ASCC3: variants seen among roughly 807,000 people sequenced by gnomAD.
The protein encoded by ASCC3 is ASC-1 complex subunit P200.
ASCC3 carries 158 observed loss-of-function variants against 256.3 expected under a neutral mutation model. The ratio of observed to expected loss-of-function variants is 0.62; its 90% CI spans 0.54 to 0.70. ASCC3 has a LOEUF of 0.70. Among genes scored for constraint, ASCC3 ranks in the 30% least tolerant of loss-of-function variants. The probability of loss-of-function intolerance (pLI) is 0.00; values close to 1 mark genes in which losing one functional copy is unlikely to be tolerated. For missense variants in ASCC3, 2,259 were observed against 2,626.0 expected, an observed-to-expected ratio of 0.86 and a Z score of 3.05; for synonymous variants, 948 against 883.4, an observed-to-expected ratio of 1.07 and a Z score of -1.30.
At chr6:100,854,237 G>GTA (rs1221888778) in intron 3 of ASCC3, among the ~76,000 whole-genome samples, 1 of 151,580 alleles carries the variant, frequency 6.6e-6, no homozygotes, top group African/African-American at 2.4e-5. Flanking sequence ...CATAACAGAG[G>GTA]TAGGCATTTT....
intron 36 of ASCC3, among the ~76,000 whole-genome samples, chr6:100,559,390 C>T (rs985101953): frequency 4.6e-5 from 7 of 152,028 alleles, no homozygotes; most frequent in Non-Finnish European, 8.8e-5. Context: ...AAAAAACCCA[C>T]AAAAGAAAAA....
intron 14 of ASCC3, among the ~76,000 whole-genome samples, chr6:100,671,070 T>TA (rs1776721418): frequency 6.6e-6 from 1 of 151,988 alleles, no homozygotes; most frequent in South Asian, 2.1e-4. Flanking sequence ...CAAAAAGGTG[T>TA]ATATAACATG....
chr6:100,859,491 A>G (rs563516901), intron 3 of ASCC3, among the ~76,000 whole-genome samples: 3 of 152,196 alleles, frequency 2.0e-5, no homozygotes, highest in Non-Finnish European at 2.9e-5. Flanking sequence ...AATTCTAAAT[A>G]TCTACCATTA....
In ASCC3 at chr6:100,601,804, A is replaced by G. The variant is rs776889165; in HGVS notation, c.5303+6T>C. The G allele has an allele frequency of 1.8e-5, 29 of 1,611,962 alleles. No homozygotes were observed. Among genetic ancestry groups the G allele is most frequent in the Non-Finnish European group, 2.5e-5 (29 of 1,178,492 alleles). On this transcript the variant is annotated splice_donor_region_variant and intron_variant, in intron 34 of 41. Coordinates refer to ENST00000369162, the MANE Select transcript of ASCC3 (RefSeq NM_006828.4). ...CAGAAAGGTATATAACTGCCCTTGC[A>G]CTTACCTGGGATTCATGATAAGACG...
At chr6:100,669,677 T>G (rs1323357830) in intron 14 of ASCC3, among the ~76,000 whole-genome samples, 1 of 151,652 alleles carries the variant, frequency 6.6e-6, no homozygotes, top group Admixed American at 6.6e-5. Flanking sequence ...AATCAGTTAT[T>G]GAGAATTCTA....
chr6:100,849,150 G>A (rs564700470), intron 3 of ASCC3, among the ~76,000 whole-genome samples: 197 of 152,098 alleles, frequency 1.3e-3, no homozygotes, highest in African/African-American at 4.7e-3. Flanking sequence ...CCAATTTAAG[G>A]AGCAGGAACC....
chr6:100,641,238 T>A lies in ASCC3; in HGVS notation c.3901+1343A>T, dbSNP rs570188277. Among the ~76,000 whole-genome samples the A allele has an allele frequency of 2.0e-5, 3 of 152,304 alleles. No homozygotes were observed. In the East Asian group the frequency reaches 5.8e-4, roughly 29 times the overall value. ...ATTTAAAATGGATTTTTGCAAGGTA[T>A]GACAGTGAAAAACACTATTGTATGA... On this transcript the variant is annotated intron_variant, in intron 24 of 41. Transcript: ENST00000369162.
intron 29 of ASCC3, among the ~76,000 whole-genome samples, chr6:100,625,830 T>C (rs1217600466): frequency 6.6e-6 from 1 of 152,066 alleles, no homozygotes; most frequent in Non-Finnish European, 1.5e-5. Flanking sequence ...TTGTTATCAG[T>C]GATAGAAAAA....
In ASCC3 at chr6:100,512,638, A is replaced by G. The variant is rs1773824045; in HGVS notation, c.6285+71T>C. On this transcript the variant is annotated intron_variant, in intron 40 of 41. Coordinates refer to ENST00000369162, the MANE Select transcript of ASCC3 (RefSeq NM_006828.4). Reference sequence around the variant, plus strand: ...AATGACACGGGCACATTAGTCACATAACAGATATGTGTGGTGGTGCATGCT... The same window carrying G: ...AATGACACGGGCACATTAGTCACATGACAGATATGTGTGGTGGTGCATGCT... 4 of 1,453,578 alleles carry G rather than the reference A, an allele frequency of 2.8e-6. No individual in the cohort carries two copies. The South Asian group carries it at 3.4e-5, about 12-fold the overall frequency. 90.0% of individuals were successfully genotyped at this position (1,453,578 alleles called of 1,614,324 possible).
Position 100,577,734 on chromosome 6 carries a change from C to A in ASCC3, c.5550+11900G>T, listed in dbSNP as rs371282036. 2.7e-3 allele frequency among the ~76,000 whole-genome samples: 409 copies of A among 150,704 alleles called. 2 individuals are homozygous for A. Among genetic ancestry groups the A allele is most frequent in the African/African-American group, 9.4e-3 (381 of 40,608 alleles). The stretch of plus-strand genomic sequence containing the variant: ...TATCTGTGTGTGAACACACACACAC[C>A]CACCCACCCACACACACACACACAC... On this transcript the variant is annotated intron_variant, in intron 36 of 41. Coordinates refer to ENST00000369162, the MANE Select transcript of ASCC3 (RefSeq NM_006828.4).
intron 29 of ASCC3, among the ~76,000 whole-genome samples, chr6:100,627,284 A>T (rs1423853079): frequency 6.6e-6 from 1 of 152,102 alleles, no homozygotes; most frequent in East Asian, 1.9e-4. Context: ...TGTAGCTTCC[A>T]TTTCTCATCT....
At chr6:100,799,294 T>C in intron 7 of ASCC3, 137 bp downstream of exon 7, 1 of 938,032 alleles carries the variant, frequency 1.1e-6, no homozygotes, top group Non-Finnish European at 1.6e-6. Flanking sequence ...CCACATTATG[T>C]CATTTTCCCC....
At chr6:100,596,468 T>C (rs1214597479) in intron 34 of ASCC3, among the ~76,000 whole-genome samples, 1 of 152,214 alleles carries the variant, frequency 6.6e-6, no homozygotes, top group East Asian at 1.9e-4. Flanking sequence ...GCTTTACATA[T>C]CTGATGTTAT....
chr6:100,632,562 C>T (rs1409392853), intron 25 of ASCC3, among the ~76,000 whole-genome samples: 1 of 151,978 alleles, frequency 6.6e-6, no homozygotes, highest in Non-Finnish European at 1.5e-5. Flanking sequence ...TTCCTGGTTT[C>T]AAATTATATT....
chr6:100,564,434 A>C (rs1340493169), intron 36 of ASCC3, among the ~76,000 whole-genome samples: 1 of 152,100 alleles, frequency 6.6e-6, no homozygotes, highest in African/African-American at 2.4e-5. Context: ...GCTCTCACAC[A>C]TGACTGCAAA....
chr6:100,760,926 G>A (rs972010073), intron 10 of ASCC3, among the ~76,000 whole-genome samples: 1 of 152,118 alleles, frequency 6.6e-6, no homozygotes, highest in African/African-American at 2.4e-5. Context: ...AGAAATAAAG[G>A]CTGGAAACTT....
intron 16 of ASCC3, among the ~76,000 whole-genome samples, chr6:100,656,263 C>T (rs1024079302): frequency 3.3e-5 from 5 of 151,640 alleles, no homozygotes; most frequent in African/African-American, 1.2e-4. Flanking sequence ...ATTCTGTATA[C>T]TGTCATCACC....
intron 10 of ASCC3, among the ~76,000 whole-genome samples, chr6:100,746,826 C>T (rs1780701411): frequency 6.6e-6 from 1 of 151,924 alleles, no homozygotes; most frequent in African/African-American, 2.4e-5. Flanking sequence ...ATGGTATTAG[C>T]ATAAAGATAA....
intron 5 of ASCC3, among the ~76,000 whole-genome samples, chr6:100,802,070 T>C (rs906152548): frequency 2.0e-5 from 3 of 151,240 alleles, no homozygotes; most frequent in Non-Finnish European, 4.4e-5. Context: ...GAAGAAAATA[T>C]GTCTACCTCA....
Sources: gnomAD v4.1 joint callset for allele counts (sites outside exome capture counted in the v4.1 genomes callset) on GRCh38, gnomAD v4.1.1 for gene constraint, MANE v1.5 for transcripts, NCBI Gene and HGNC (gene_info 2026-07-23, HGNC 2026-07-21) for gene names.